The following GAN variants were observed in gnomAD, a reference collection of about 807,000 sequenced individuals.
The protein encoded by GAN is epididymis secretory sperm binding protein.
Under a neutral mutation model 71.3 loss-of-function variants are expected in GAN, and 48 were observed. That is an observed-to-expected ratio of 0.67 (90% CI 0.53 to 0.86). The LOEUF is 0.86. Among genes scored for constraint, GAN ranks in the 40% least tolerant of loss-of-function variants. The probability of loss-of-function intolerance (pLI) is 0.00; values close to 1 mark genes in which losing one functional copy is unlikely to be tolerated. For synonymous variants in GAN, 386 were observed against 276.8 expected, an observed-to-expected ratio of 1.39 and a Z score of -3.92; for missense variants, 928 against 770.1, an observed-to-expected ratio of 1.21 and a Z score of -2.43.
At chr16:81,356,131 T>G (rs1910477295) in intron 3 of GAN, among the ~76,000 whole-genome samples, 2 of 152,248 alleles carry the variant, frequency 1.3e-5, no homozygotes, top group African/African-American at 4.8e-5. Context: ...TGTCCTTTGG[T>G]CAGTTTAAAC....
At chr16:81,347,529 T>C (rs1013585099) in intron 1 of GAN, among the ~76,000 whole-genome samples, 1 of 152,208 alleles carries the variant, frequency 6.6e-6, no homozygotes, top group African/African-American at 2.4e-5. Flanking sequence ...TCTTGATATA[T>C]TCCTTTGTTT....
rs966202417 is a variant in GAN at position 81,385,065 on chromosome 16, C to G, written c.*7469C>G. ...CTTAAGCACCAGGTAAAATCTGGTG[C>G]TTAAGTTGTACCAAGTATAGCCAAG... On this transcript the variant is annotated 3_prime_UTR_variant, in exon 11 of 11. Coordinates refer to ENST00000648994, the MANE Select transcript of GAN (RefSeq NM_022041.4). 1.3e-5 allele frequency: 2 copies of G among 154,118 alleles called. No individual in the cohort carries two copies. Among genetic ancestry groups the G allele is most frequent in the African/African-American group, 2.4e-5 (1 of 41,486 alleles). 9.5% of individuals were successfully genotyped at this position (154,118 alleles called of 1,614,324 possible). A position where few individuals can be genotyped will look rare whatever the true frequency, so the allele number is the denominator to read the frequency against.
chr16:81,337,025 A>G (rs980223432), intron 1 of GAN, among the ~76,000 whole-genome samples: 7 of 152,062 alleles, frequency 4.6e-5, no homozygotes, highest in Non-Finnish European at 8.8e-5. Flanking sequence ...GTGTCATGAC[A>G]TGGATCCACT....
rs1219535645 is a variant in GAN at position 81,356,903 on chromosome 16, T to C, written c.752T>C (p.Ile251Thr). Reference protein sequence around the residue: ...VREIVKECSNIPLSQPQQGEA... With the variant: ...VREIVKECSNTPLSQPQQGEA... Reference sequence around the variant, plus strand: ...GAAATTGTCAAAGAGTGTAGCAATATACCGCTCAGCCAGCCGCAGCAAGGG... The same window carrying C: ...GAAATTGTCAAAGAGTGTAGCAATACACCGCTCAGCCAGCCGCAGCAAGGG... The change falls in exon 4 of 11, where the codon ATA (isoleucine) becomes ACA (threonine). Residue 251 changes from isoleucine (I) to threonine (T), a missense_variant. By Grantham distance (89) the Ile-to-Thr change is moderately conservative. Coordinates refer to ENST00000648994, the MANE Select transcript of GAN (RefSeq NM_022041.4). The C allele has an allele frequency of 6.2e-7, 1 of 1,613,854 alleles. No individual in the cohort carries two copies. Among genetic ancestry groups the C allele is most frequent in the African/African-American group, 1.3e-5 (1 of 75,024 alleles).
At chr16:81,338,228 T>C (rs1318776575) in intron 1 of GAN, among the ~76,000 whole-genome samples, 3 of 152,206 alleles carry the variant, frequency 2.0e-5, no homozygotes, top group African/African-American at 7.2e-5. Context: ...CAAGGTGATA[T>C]TTTAAGGTTG....
chr16:81,377,640 A>C lies in GAN; in HGVS notation c.*44A>C. ...TGCGAGATCCTGACCCAAGAGCACC[A>C]TAACATAGCTCCGAAAGGGAGAGCA... On this transcript the variant is annotated 3_prime_UTR_variant, in exon 11 of 11. Coordinates refer to ENST00000648994, the MANE Select transcript of GAN (RefSeq NM_022041.4). The C allele has an allele frequency of 1.3e-6, 2 of 1,538,766 alleles. No homozygotes were observed.
intron 9 of GAN, among the ~76,000 whole-genome samples, chr16:81,376,317 G>A (rs1399084327): frequency 6.6e-6 from 1 of 152,014 alleles, no homozygotes; most frequent in Non-Finnish European, 1.5e-5. Flanking sequence ...ACGTCAACAG[G>A]TGAATGAATA....
At chr16:81,336,702 T>G (rs1426289029) in intron 1 of GAN, among the ~76,000 whole-genome samples, 3 of 151,740 alleles carry the variant, frequency 2.0e-5, no homozygotes, top group Non-Finnish European at 1.5e-5. Context: ...GGTCTCAAAC[T>G]CCTAGGCTCA....
At position 81,390,251 on chromosome 16, in the gene GAN, G is replaced by C. The variant is rs188817531; in HGVS notation, c.*12655G>C. The C allele has an allele frequency of 9.6e-4, 146 of 152,310 alleles. No homozygotes were observed. Among genetic ancestry groups the C allele is most frequent in the African/African-American group, 3.4e-3 (141 of 41,572 alleles). 9.4% of individuals were successfully genotyped at this position (152,310 alleles called of 1,614,324 possible). A position where few individuals can be genotyped will look rare whatever the true frequency, so the allele number is the denominator to read the frequency against. ...TTCAGTAGGATAGTAGAGAAGTCGT[G>C]CTAAGTTGATTTCATTGAAATGTCA... is the stretch of plus-strand genomic sequence containing the variant. On this transcript the variant is annotated 3_prime_UTR_variant, in exon 11 of 11. Coordinates refer to ENST00000648994, the MANE Select transcript of GAN (RefSeq NM_022041.4).
chr16:81,368,217 T>C (rs1910924218), intron 9 of GAN, among the ~76,000 whole-genome samples: 1 of 152,222 alleles, frequency 6.6e-6, no homozygotes, highest in Non-Finnish European at 1.5e-5. Context: ...CAGCTTCATA[T>C]ACCCAGAATG....
At chr16:81,333,065 C>G in intron 1 of GAN, among the ~76,000 whole-genome samples, 1 of 151,958 alleles carries the variant, frequency 6.6e-6, no homozygotes, top group African/African-American at 2.4e-5. Context: ...CAGTGAAACC[C>G]CATCTCTACC....
chr16:81,350,617 G>A (rs1432889030), intron 1 of GAN, among the ~76,000 whole-genome samples: 1 of 151,676 alleles, frequency 6.6e-6, no homozygotes, highest in East Asian at 1.9e-4. Flanking sequence ...CCAGGTTCGA[G>A]CTATTTTTGT....
At chr16:81,373,227 G>T (rs1242486883) in intron 9 of GAN, among the ~76,000 whole-genome samples, 4 of 152,348 alleles carry the variant, frequency 2.6e-5, no homozygotes, top group Middle Eastern at 3.4e-3. Context: ...GGATGATGGA[G>T]TGATGACCAT....
At position 81,390,116 on chromosome 16, in the gene GAN, C is replaced by A. The variant is rs1406129806; in HGVS notation, c.*12520C>A. 2 of 152,094 alleles carry A rather than the reference C, an allele frequency of 1.3e-5. No homozygotes were observed. The highest frequency in any genetic ancestry group is 2.9e-5 in the Non-Finnish European group (2 of 68,022). The allele number at this position is 152,094 out of a possible 1,614,324, so 9.4% of individuals were successfully genotyped here. ...TCCTATCTTTAATAAAGTCCTACTACTGAAAAACAGGGATTTGCAATGAAA... is the reference window on the plus strand; with the variant it reads ...TCCTATCTTTAATAAAGTCCTACTAATGAAAAACAGGGATTTGCAATGAAA... On this transcript the variant is annotated 3_prime_UTR_variant, in exon 11 of 11. Transcript: ENST00000648994.
intron 1 of GAN, among the ~76,000 whole-genome samples, chr16:81,328,815 G>T (rs1473580353): frequency 6.6e-6 from 1 of 152,172 alleles, no homozygotes; most frequent in Non-Finnish European, 1.5e-5. Flanking sequence ...GGGATTGGCA[G>T]ACTTTTTCTC....
intron 6 of GAN, among the ~76,000 whole-genome samples, chr16:81,363,102 A>G (rs1910733275): frequency 1.3e-5 from 2 of 152,232 alleles, no homozygotes. Context: ...TCATTGACAA[A>G]CGGACATGAA....
intron 1 of GAN, among the ~76,000 whole-genome samples, chr16:81,324,536 T>G (rs1420867633): frequency 6.6e-6 from 1 of 152,006 alleles, no homozygotes; most frequent in African/African-American, 2.4e-5. Context: ...CTGGAGATGG[T>G]GAGCAAAGGG....
At chr16:81,356,708 G>A (rs572178138) in intron 3 of GAN, 77 bp from the exon 4 acceptor site, 11 of 1,015,372 alleles carry the variant, frequency 1.1e-5, no homozygotes, top group Non-Finnish European at 1.7e-5. Context: ...TTTCCATGAG[G>A]TGGAAAATGT....
chr16:81,333,843 A>G (rs1262249103), intron 1 of GAN, among the ~76,000 whole-genome samples: 1 of 152,148 alleles, frequency 6.6e-6, no homozygotes, highest in African/African-American at 2.4e-5. Flanking sequence ...CCCTCTAGGG[A>G]TGGCTGCATT....
Sources: gnomAD v4.1 joint callset for allele counts (sites outside exome capture counted in the v4.1 genomes callset) on GRCh38, gnomAD v4.1.1 for gene constraint, MANE v1.5 for transcripts, NCBI Gene and HGNC (gene_info 2026-07-23, HGNC 2026-07-21) for gene names.